The following MORC1 variants were observed in gnomAD, a reference collection of about 807,000 sequenced individuals.
MORC1 encodes MORC family CW-type zinc finger protein 1.
In MORC1, 59 loss-of-function variants were observed where a neutral mutation model predicts 134.9. That is an observed-to-expected ratio of 0.44 (90% CI 0.35 to 0.54). The LOEUF (loss-of-function observed/expected upper bound fraction) is 0.54. Among genes scored for constraint, MORC1 ranks in the 20% least tolerant of loss-of-function variants. The probability of loss-of-function intolerance (pLI) is 0.00; values close to 1 mark genes in which losing one functional copy is unlikely to be tolerated. For missense variants in MORC1, 947 were observed against 1,134.5 expected (o/e 0.83, Z 2.37); for synonymous variants, 395 against 391.7 (o/e 1.01, Z -0.10).
At position 109,054,818 on chromosome 3, in the gene MORC1, T is replaced by G; in HGVS notation, c.1240A>C (p.Lys414Gln). Residue 414 changes from lysine to glutamine, a missense_variant, in exon 14 of 28, where the codon AAA becomes CAA. Lys to Gln is a moderately conservative substitution (Grantham distance 53). Transcript: ENST00000232603. ...PLEVMEPSHN[K>Q]QEFLNVQEYN... ...TCTTGGACATTGAGAAATTCCTGTT[T>G]ATTATGGGATGGTTCCATGACCTCC... is the stretch of plus-strand genomic sequence containing the variant. 6.2e-7 allele frequency: 1 copy of G among 1,608,228 alleles called. No homozygotes were observed. Among genetic ancestry groups the G allele is most frequent in the Non-Finnish European group, 8.5e-7 (1 of 1,178,674 alleles).
chr3:109,025,379 C>CTTTTTTTTT (rs63701060), intron 17 of MORC1, among the ~76,000 whole-genome samples: 36 of 105,078 alleles, frequency 3.4e-4, no homozygotes, highest in East Asian at 1.5e-3. Flanking sequence ...TTTCTTTTTT[C>CTTTTTTTTT]TTTTTTTTTT....
At position 109,058,987 on chromosome 3, in the gene MORC1, G is replaced by A. The variant is rs145906286; in HGVS notation, c.1031+819C>T. On this transcript the variant is annotated intron_variant, in intron 12 of 27. Coordinates refer to ENST00000232603, the MANE Select transcript of MORC1 (RefSeq NM_014429.4). Reference sequence around the variant, plus strand: ...TTTATTTCTAAAGACCTTAGAGAGGGCTTTGTTTTTAAATTACAATTTCTA... The same window carrying A: ...TTTATTTCTAAAGACCTTAGAGAGGACTTTGTTTTTAAATTACAATTTCTA... Among the ~76,000 whole-genome samples, 5 of 152,056 alleles carry A rather than the reference G, an allele frequency of 3.3e-5. No homozygotes were observed. The East Asian group carries it at 9.7e-4, about 29-fold the overall frequency.
intron 22 of MORC1, 141 bp from the exon 23 acceptor site, chr3:108,984,923 G>T: frequency 1.6e-6 from 1 of 612,000 alleles, no homozygotes; most frequent in Non-Finnish European, 2.8e-6. Context: ...TGTACCAGTT[G>T]TAACGAGATC....
At chr3:109,030,092 T>C (rs1301313517) in intron 16 of MORC1, among the ~76,000 whole-genome samples, 1 of 152,216 alleles carries the variant, frequency 6.6e-6, no homozygotes, top group Middle Eastern at 3.2e-3. Flanking sequence ...TGCTGTCTGT[T>C]GGTAATGGCC....
At chr3:108,999,235 G>T (rs1171988527) in intron 21 of MORC1, among the ~76,000 whole-genome samples, 2 of 152,060 alleles carry the variant, frequency 1.3e-5, no homozygotes, top group African/African-American at 4.8e-5. Context: ...GGCTATTTCT[G>T]TTCCCATTCA....
At chr3:109,037,450 T>C (rs965178350) in intron 14 of MORC1, among the ~76,000 whole-genome samples, 1 of 152,236 alleles carries the variant, frequency 6.6e-6, no homozygotes, top group Non-Finnish European at 1.5e-5. Context: ...GTTTGTGTGT[T>C]TTTAATTATA....
rs139078034 is a variant in MORC1, at chr3:109,040,481, A to G, written c.1331-5013T>C. ...GAAAGAAAGAAAGAAAGAAAGAAAG[A>G]AAGAAAGGAAAGAAAAGAAAGGAAG... On this transcript the variant is annotated intron_variant, in intron 14 of 27. Coordinates refer to ENST00000232603, the MANE Select transcript of MORC1 (RefSeq NM_014429.4). 9.7e-3 allele frequency among the ~76,000 whole-genome samples: 1,373 copies of G among 140,876 alleles called. 24 individuals are homozygous for G. Among genetic ancestry groups the G allele is most frequent in the South Asian group, 0.029 (118 of 4,096 alleles). The allele number at this position is 140,876 out of a possible 152,430, so 92.4% of individuals were successfully genotyped here.
intron 15 of MORC1, among the ~76,000 whole-genome samples, chr3:109,033,239 C>G (rs1488452651): frequency 6.9e-6 from 1 of 145,692 alleles, no homozygotes; most frequent in African/African-American, 2.6e-5. Context: ...ATGATCTCAA[C>G]TAGTATAAAA....
Position 109,118,000 on chromosome 3 carries a change from G to T in MORC1, c.60C>A (p.Ala20=). The T allele has an allele frequency of 6.2e-7, 1 of 1,602,338 alleles. No homozygotes were observed. Among genetic ancestry groups the T allele is most frequent in the Non-Finnish European group, 8.5e-7 (1 of 1,174,682 alleles). Residue 20 remains alanine, a synonymous_variant, in exon 1 of 28, where the codon GCC becomes GCA. Coordinates refer to ENST00000232603, the MANE Select transcript of MORC1 (RefSeq NM_014429.4). ...GACCCCACCTCGGCACTCACGAGTT[G>T]GCGTGGATGAAATCCAGACGCAGCT... The part of the protein sequence containing the change: ...RAQLRLDFIH[A]NSTTHSFLFG...
chr3:109,000,835 T>C (rs540022396), intron 20 of MORC1, among the ~76,000 whole-genome samples, 177 bp from the exon 21 acceptor site: 1 of 152,322 alleles, frequency 6.6e-6, no homozygotes, highest in Non-Finnish European at 1.5e-5. Flanking sequence ...TTAGAGCATA[T>C]CTGCCTTCCT....
At chr3:108,975,028 T>G (rs1947510538) in intron 24 of MORC1, among the ~76,000 whole-genome samples, 1 of 152,244 alleles carries the variant, frequency 6.6e-6, no homozygotes, top group Non-Finnish European at 1.5e-5. Flanking sequence ...CATAGTCATA[T>G]TCCTTTCTCA....
In MORC1 at chr3:109,114,395, C is replaced by T. The variant is rs116328407; in HGVS notation, c.108G>A (p.Leu36=). The change falls in exon 2 of 28, where the codon CTG becomes CTA. Residue 36 remains leucine, a synonymous_variant. Transcript: ENST00000232603. ...SFLFGALAEL[L]DNARDAGAER... ...CAGATAAACCTTACCTTGCATTGTC[C>T]AGCAATTCAGCCAGTGCTCCAAAAA... The T allele has an allele frequency of 3.9e-4, 624 of 1,612,774 alleles. 3 individuals carry two copies. In the African/African-American group the frequency reaches 7.1e-3, roughly 18 times the overall value.
intron 24 of MORC1, among the ~76,000 whole-genome samples, chr3:108,972,536 TAG>T (rs986897812): frequency 3.5e-4 from 53 of 152,288 alleles, no homozygotes; most frequent in African/African-American, 1.1e-3. Context: ...CAACACTCCT[TAG>T]AGTTATTTGT....
intron 14 of MORC1, among the ~76,000 whole-genome samples, chr3:109,053,105 GT>G (rs1949868133): frequency 7.6e-6 from 1 of 131,894 alleles, no homozygotes; most frequent in Admixed American, 7.5e-5. Context: ...TTGTTATAAA[GT>G]AAAAAAAAAA....
chr3:109,037,364 C>A (rs72935358), intron 14 of MORC1, among the ~76,000 whole-genome samples: 2 of 152,198 alleles, frequency 1.3e-5, no homozygotes, highest in African/African-American at 4.8e-5. Flanking sequence ...CTTCTCTGTA[C>A]ACCAGCTCCT....
At chr3:109,048,995 T>A (rs1949757653) in intron 14 of MORC1, 1 of 205,952 alleles carries the variant, frequency 4.9e-6, no homozygotes, top group Non-Finnish European at 8.5e-6. Flanking sequence ...GATAATATTT[T>A]TAAGTAAAAC....
intron 6 of MORC1, among the ~76,000 whole-genome samples, chr3:109,095,711 G>A (rs190787699): frequency 5.9e-5 from 9 of 152,248 alleles, no homozygotes; most frequent in Non-Finnish European, 1.2e-4. Context: ...TTCAGATCTC[G>A]TTCCCATTTG....
In MORC1 at chr3:109,074,277, T is replaced by C. The variant is rs559626037; in HGVS notation, c.690-4520A>G. ...GGCAAGCCCCTTTGATGACAGCCAA[T>C]TGCATGGCATGCCTTTTTTACTAGG... On this transcript the variant is annotated intron_variant, in intron 8 of 27. Coordinates refer to ENST00000232603, the MANE Select transcript of MORC1 (RefSeq NM_014429.4). 7.9e-5 allele frequency among the ~76,000 whole-genome samples: 12 copies of C among 152,322 alleles called. No individual in the cohort carries two copies. In the East Asian group the frequency reaches 1.2e-3, roughly 15 times the overall value.
intron 9 of MORC1, among the ~76,000 whole-genome samples, chr3:109,065,231 C>T (rs1950170399): frequency 6.6e-6 from 1 of 151,776 alleles, no homozygotes; most frequent in South Asian, 2.1e-4. Context: ...TGCCACTCCT[C>T]TGCTCAAGTC....
Sources: gnomAD v4.1 joint callset for allele counts (sites outside exome capture counted in the v4.1 genomes callset) on GRCh38, gnomAD v4.1.1 for gene constraint, MANE v1.5 for transcripts, NCBI Gene and HGNC (gene_info 2026-07-23, HGNC 2026-07-21) for gene names.